CPNE4: variants seen among roughly 807,000 people sequenced by gnomAD.
The protein encoded by CPNE4 is copine 4, also known as copine-4.
Under a neutral mutation model 67.9 loss-of-function variants are expected in CPNE4, and 25 were observed. The observed-to-expected ratio is 0.37, with a 90% CI of 0.27 to 0.51. The LOEUF is 0.51. CPNE4 is among the 20% of genes least tolerant of loss of function. CPNE4 has a pLI of 0.93. For missense variants in CPNE4, 464 were observed against 690.8 expected (o/e 0.67, Z 3.68); for synonymous variants, 242 against 244.9 (o/e 0.99, Z 0.11).
intron 3 of CPNE4, among the ~76,000 whole-genome samples, chr3:131,719,590 C>G (rs2081827685): frequency 6.6e-6 from 1 of 152,184 alleles, no homozygotes; most frequent in Admixed American, 6.5e-5. Flanking sequence ...TATGTGCTAT[C>G]TCCATCATGA....
chr3:131,610,017 A>G (rs1007295115), intron 7 of CPNE4, among the ~76,000 whole-genome samples: 1 of 152,160 alleles, frequency 6.6e-6, no homozygotes, highest in Non-Finnish European at 1.5e-5. Flanking sequence ...TTTAAGAATA[A>G]TGTTTTACCA....
intron 1 of CPNE4, among the ~76,000 whole-genome samples, chr3:131,928,285 G>A (rs1305331735): frequency 6.7e-6 from 1 of 148,692 alleles, no homozygotes; most frequent in Non-Finnish European, 1.5e-5. Flanking sequence ...TTACAGTACA[G>A]GTTATCTAAA....
At chr3:132,026,222 A>T (rs923761430) in intron 1 of CPNE4, among the ~76,000 whole-genome samples, 11 of 152,214 alleles carry the variant, frequency 7.2e-5, no homozygotes, top group African/African-American at 1.9e-4. Context: ...AGAGTGACAG[A>T]GGGAGTATCC....
At chr3:132,006,170 G>A (rs900190544) in intron 1 of CPNE4, among the ~76,000 whole-genome samples, 6 of 152,008 alleles carry the variant, frequency 3.9e-5, no homozygotes, top group African/African-American at 1.4e-4. Context: ...TTCTATTTAA[G>A]GAAAGTGGCC....
chr3:131,568,852 G>T (rs915205404), intron 10 of CPNE4, among the ~76,000 whole-genome samples: 1 of 151,960 alleles, frequency 6.6e-6, no homozygotes, highest in Non-Finnish European at 1.5e-5. Context: ...CCTTCTCGAC[G>T]TTTTCTAAGG....
intron 5 of CPNE4, among the ~76,000 whole-genome samples, chr3:131,695,892 G>T (rs189590017): frequency 1.8e-4 from 28 of 152,268 alleles, no homozygotes; most frequent in Admixed American, 5.2e-4. Context: ...TTCTATTGTG[G>T]ATATATTATT....
intron 1 of CPNE4, among the ~76,000 whole-genome samples, chr3:132,028,931 T>C (rs1445958034): frequency 2.0e-5 from 3 of 151,944 alleles, no homozygotes; most frequent in Non-Finnish European, 4.4e-5. Context: ...TTTCTTTTTT[T>C]TTTTTTTAAA....
intron 1 of CPNE4, among the ~76,000 whole-genome samples, chr3:131,974,294 CAT>C (rs1295545521): frequency 9.2e-5 from 14 of 152,144 alleles, no homozygotes; most frequent in Non-Finnish European, 7.3e-5. Context: ...TATATGTGTA[CAT>C]ATGTGTTATG....
chr3:131,618,805 G>A (rs1255552856), intron 7 of CPNE4, among the ~76,000 whole-genome samples: 4 of 152,134 alleles, frequency 2.6e-5, no homozygotes, highest in African/African-American at 9.7e-5. Context: ...CCCAAGGAGA[G>A]AGACAGCATT....
chr3:131,918,408 T>G (rs2070638327), intron 1 of CPNE4, among the ~76,000 whole-genome samples: 1 of 152,184 alleles, frequency 6.6e-6, no homozygotes, highest in Admixed American at 6.6e-5. Flanking sequence ...GATACAAAGA[T>G]GAAAAGACAA....
At chr3:131,658,787 C>T (rs2080046480) in intron 7 of CPNE4, among the ~76,000 whole-genome samples, 1 of 152,180 alleles carries the variant, frequency 6.6e-6, no homozygotes, top group Admixed American at 6.5e-5. Context: ...GATCTTCTTC[C>T]TAAGAGACAG....
At chr3:131,970,551 T>C (rs889214825) in intron 1 of CPNE4, among the ~76,000 whole-genome samples, 17 of 152,232 alleles carry the variant, frequency 1.1e-4, no homozygotes, top group African/African-American at 3.9e-4. Flanking sequence ...ATATAATTTA[T>C]ATAGTTTTTT....
chr3:131,920,065 T>C (rs1285098797), intron 1 of CPNE4, among the ~76,000 whole-genome samples: 2 of 152,164 alleles, frequency 1.3e-5, no homozygotes, highest in Non-Finnish European at 2.9e-5. Flanking sequence ...AACTCAAATC[T>C]GATCAGGTCA....
chr3:132,037,429 G>C (rs577176617), upstream of CPNE4: 7 of 727,360 alleles, frequency 9.6e-6, no homozygotes, highest in Middle Eastern at 2.3e-4. Context: ...CAGCTCATCT[G>C]TACAAATGAA....
intron 2 of CPNE4, among the ~76,000 whole-genome samples, chr3:131,776,539 A>G (rs553535732): frequency 8.5e-5 from 13 of 152,220 alleles, no homozygotes; most frequent in Non-Finnish European, 1.8e-4. Flanking sequence ...TGATTGTGGG[A>G]ACTTTATTTC....
At chr3:131,950,097 T>G (rs1225020) in intron 1 of CPNE4, among the ~76,000 whole-genome samples, 2 of 152,166 alleles carry the variant, frequency 1.3e-5, no homozygotes, top group South Asian at 4.1e-4. Flanking sequence ...TAAGCTAATA[T>G]TGAACCATTA....
chr3:131,938,538 C>T (rs765350350), intron 1 of CPNE4, among the ~76,000 whole-genome samples: 1 of 152,038 alleles, frequency 6.6e-6, no homozygotes, highest in Non-Finnish European at 1.5e-5. Flanking sequence ...TTAATTGACT[C>T]ATAGTTCTGC....
intron 3 of CPNE4, among the ~76,000 whole-genome samples, chr3:131,720,338 G>A (rs1341128030): frequency 6.8e-6 from 1 of 146,874 alleles, no homozygotes; most frequent in Non-Finnish European, 1.5e-5. Context: ...AGGCTGGAGT[G>A]CAGTGGCATG....
intron 2 of CPNE4, among the ~76,000 whole-genome samples, chr3:131,802,897 C>G (rs1294029266): frequency 1.3e-5 from 2 of 152,146 alleles, no homozygotes; most frequent in African/African-American, 4.8e-5. Flanking sequence ...AGCAGGTCAG[C>G]AACCCACAGA....
Sources: gnomAD v4.1 joint callset for allele counts (sites outside exome capture counted in the v4.1 genomes callset) on GRCh38, gnomAD v4.1.1 for gene constraint, MANE v1.5 for transcripts, NCBI Gene and HGNC (gene_info 2026-07-23, HGNC 2026-07-21) for gene names.